Variants in CNTFR observed in about 807,000 individuals in gnomAD.
The protein encoded by CNTFR is ciliary neurotrophic factor receptor subunit alpha.
A neutral mutation model predicts 40.4 loss-of-function variants in CNTFR; 12 were observed. That is an observed-to-expected ratio of 0.30 (90% CI 0.19 to 0.48). The LOEUF is 0.48. CNTFR is among the 20% of genes least tolerant of loss of function. The pLI, the probability that CNTFR is intolerant of heterozygous loss-of-function variation, is 0.99. For missense variants in CNTFR, 414 were observed against 506.8 expected, an observed-to-expected ratio of 0.82 and a Z score of 1.76; for synonymous variants, 202 against 209.6, an observed-to-expected ratio of 0.96 and a Z score of 0.31.
rs1825697577 is a variant in CNTFR, at chr9:34,552,912, T to A, written c.769-58A>T. 3 of 1,556,462 alleles carry A rather than the reference T, an allele frequency of 1.9e-6. No homozygotes were observed. The South Asian group carries it at 3.4e-5, about 18-fold the overall frequency. On this transcript the variant is annotated intron_variant, in intron 7 of 9. Coordinates refer to ENST00000378980, the MANE Select transcript of CNTFR (RefSeq NM_147164.3). The surrounding 1 kb of genome is among the most constrained non-coding windows in gnomAD (Gnocchi z 5.1). Reference sequence around the variant, plus strand: ...ACACCTGGGGGCCAGGAGGGTGAGGTCCCTCCAGAGGAAGTGAGCATGCCT... The same window carrying A: ...ACACCTGGGGGCCAGGAGGGTGAGGACCCTCCAGAGGAAGTGAGCATGCCT...
At chr9:34,583,826 T>A (rs1380872593) in intron 1 of CNTFR, among the ~76,000 whole-genome samples, 1 of 151,938 alleles carries the variant, frequency 6.6e-6, no homozygotes, top group African/African-American at 2.4e-5. Flanking sequence ...CAGCCCCCCA[T>A]CCCGCAATTT....
chr9:34,589,322 CCCA>C lies in CNTFR; in HGVS notation c.-112+230_-112+232del, dbSNP rs956423482. Among the ~76,000 whole-genome samples the C allele has an allele frequency of 6.6e-6, 1 of 151,988 alleles. No homozygotes were observed. Among genetic ancestry groups the C allele is most frequent in the Non-Finnish European group, 1.5e-5 (1 of 67,954 alleles). On this transcript the variant is annotated intron_variant, in intron 1 of 9. Coordinates refer to ENST00000378980, the MANE Select transcript of CNTFR (RefSeq NM_147164.3). This position sits in a 1 kb window ranked among gnomAD's most constrained non-coding sequence, Gnocchi z 4.4. ...CACCTCCCTCTAGTCCACAGTCGGCCCCACCACCACCACCACGCCCAACCCCCG... is the reference window on the plus strand; with the variant it reads ...CACCTCCCTCTAGTCCACAGTCGGCCCCACCACCACCACGCCCAACCCCCG...
chr9:34,585,351 C>T (rs895596753), intron 1 of CNTFR, among the ~76,000 whole-genome samples: 4 of 152,168 alleles, frequency 2.6e-5, no homozygotes, highest in Non-Finnish European at 5.9e-5. Context: ...GAAACCTGTC[C>T]TCCTACAGGC....
At position 34,552,961 on chromosome 9, in the gene CNTFR, TCTGGGGGCA is replaced by T; in HGVS notation, c.769-116_769-108del. The T allele has an allele frequency of 9.2e-7, 1 of 1,082,458 alleles. No homozygotes were observed. The highest frequency in any genetic ancestry group is 2.3e-5 in the Admixed American group (1 of 42,906). 67.1% of individuals were successfully genotyped at this position (1,082,458 alleles called of 1,614,324 possible). ...CTCTGAGGAGAGGAGAGTAAAGGGC[TCTGGGGGCA>T]GTGAGGACTTCCCTGAGGAGAAGGA... On this transcript the variant is annotated intron_variant, in intron 7 of 9. Coordinates refer to ENST00000378980, the MANE Select transcript of CNTFR (RefSeq NM_147164.3). The surrounding 1 kb of genome is among the most constrained non-coding windows in gnomAD (Gnocchi z 5.1).
chr9:34,582,297 A>AAAAAAAAAAAAAAAAAC (rs56745437), intron 1 of CNTFR: 9 of 142,608 alleles, frequency 6.3e-5, no homozygotes, highest in South Asian at 2.3e-4. Context: ...AAAAAAAAAA[A>AAAAAAAAAAAAAAAAAC]CACAAGCTTT....
chr9:34,563,727 C>T (rs559354567), intron 4 of CNTFR, among the ~76,000 whole-genome samples: 199 of 152,280 alleles, frequency 1.3e-3, no homozygotes, highest in African/African-American at 4.4e-3. Context: ...CTCTCCTGTC[C>T]TTCCCACCTC....
chr9:34,564,038 C>T lies in CNTFR; in HGVS notation c.319+561G>A, dbSNP rs1035865491. On this transcript the variant is annotated intron_variant, in intron 4 of 9. Transcript: ENST00000378980. ...ATGCCCTCCCAGCCGCTGAGGCCTA[C>T]GGTCACACCCAGCTCTCTGCCAGAA... Among the ~76,000 whole-genome samples the T allele has an allele frequency of 1.1e-4, 16 of 152,194 alleles. No individual in the cohort carries two copies. In the East Asian group the frequency reaches 1.3e-3, roughly 13 times the overall value.
chr9:34,577,681 C>T (rs1174360453), intron 2 of CNTFR, among the ~76,000 whole-genome samples: 1 of 152,182 alleles, frequency 6.6e-6, no homozygotes, highest in Non-Finnish European at 1.5e-5. Context: ...TGGTCCCCTC[C>T]CCCAGGCCAA....
intron 2 of CNTFR, among the ~76,000 whole-genome samples, chr9:34,577,965 G>A (rs954449878): frequency 1.2e-4 from 18 of 151,238 alleles, no homozygotes; most frequent in African/African-American, 4.4e-4. Context: ...CGGGGCGGGG[G>A]CGTCGCGGCG....
intron 2 of CNTFR, among the ~76,000 whole-genome samples, chr9:34,577,354 C>T (rs1457491725): frequency 1.3e-5 from 2 of 152,156 alleles, no homozygotes; most frequent in Non-Finnish European, 2.9e-5. Flanking sequence ...AGGGGTAATG[C>T]CATAAAGCCA....
At position 34,557,775 on chromosome 9, in the gene CNTFR, C is replaced by G; in HGVS notation, c.438-83G>C. 1 of 1,582,140 alleles carries G rather than the reference C, an allele frequency of 6.3e-7. No homozygotes were observed. Among genetic ancestry groups the G allele is most frequent in the Non-Finnish European group, 8.7e-7 (1 of 1,154,986 alleles). ...GGTTGAGGAAAGGTCAAGCCCAAGG[C>G]AGGGCTGGGGTATGGACAGAGGGCA... On this transcript the variant is annotated intron_variant, in intron 5 of 9. Transcript: ENST00000378980. The surrounding 1 kb of genome is among the most constrained non-coding windows in gnomAD (Gnocchi z 4.2).
At position 34,564,629 on chromosome 9, in the gene CNTFR, G is replaced by A. The variant is rs776532201; in HGVS notation, c.289C>T (p.Leu97=). The change falls in exon 4 of 10, where the codon CTG becomes TTG. Residue 97 remains leucine, a synonymous_variant. Coordinates refer to ENST00000378980, the MANE Select transcript of CNTFR (RefSeq NM_147164.3). ...ACATGCAGCAGGACTTGGTGGCGCAGGTGCCAGGAGTCACGGTGGAAGCAG... is the reference window on the plus strand; with the variant it reads ...ACATGCAGCAGGACTTGGTGGCGCAAGTGCCAGGAGTCACGGTGGAAGCAG... ...YACFHRDSWH[L]RHQVLLHVGL... 1.1e-5 allele frequency: 17 copies of A among 1,612,522 alleles called. No homozygotes were observed. The highest frequency in any genetic ancestry group is 1.7e-4 in the Middle Eastern group (1 of 6,052).
At chr9:34,590,595 C>T (rs929210674), upstream of CNTFR, among the ~76,000 whole-genome samples, 10 of 152,232 alleles carry the variant, frequency 6.6e-5, no homozygotes, top group Admixed American at 6.5e-4. Context: ...CACCACTACT[C>T]GCATGTTCCT....
At chr9:34,564,463 A>T in intron 4 of CNTFR, 136 bp downstream of exon 4, 1 of 855,230 alleles carries the variant, frequency 1.2e-6, no homozygotes, top group Non-Finnish European at 1.9e-6. Context: ...GGGCCAGGAC[A>T]AAATCAGAGG....
chr9:34,577,140 C>A (rs961922601), intron 2 of CNTFR, among the ~76,000 whole-genome samples: 15 of 152,248 alleles, frequency 9.9e-5, no homozygotes, highest in Admixed American at 7.2e-4. Flanking sequence ...GCCCCCATCA[C>A]TGGAGGAGTA....
In CNTFR at chr9:34,556,385, C is replaced by T. The variant is rs781055922; in HGVS notation, c.638G>A (p.Arg213Gln). Reference protein sequence around the residue: ...KPDPPENVVARPVPSNPRRLE... With the variant: ...KPDPPENVVAQPVPSNPRRLE... Reference sequence around the variant, plus strand: ...CCGGCGAGGGTTGCTGGGCACTGGCCGGGCTACCACATTTTCTGGAGGATC... The same window carrying T: ...CCGGCGAGGGTTGCTGGGCACTGGCTGGGCTACCACATTTTCTGGAGGATC... The change falls in exon 7 of 10, where the codon CGG (arginine) becomes CAG (glutamine). Residue 213 changes from arginine (R) to glutamine (Q), a missense_variant. By Grantham distance (43) the Arg-to-Gln change is conservative. Around this residue, in one of 3 missense-constraint regions of CNTFR, gnomAD observed 83 missense variants for 145.0 expected, o/e 0.57. Coordinates refer to ENST00000378980, the MANE Select transcript of CNTFR (RefSeq NM_147164.3). 1.4e-5 allele frequency: 23 copies of T among 1,612,734 alleles called. No individual in the cohort carries two copies. The highest frequency in any genetic ancestry group is 5.3e-5 in the African/African-American group (4 of 74,882).
At chr9:34,559,744 G>A (rs1729620050) in intron 4 of CNTFR, among the ~76,000 whole-genome samples, 1 of 151,988 alleles carries the variant, frequency 6.6e-6, no homozygotes, top group South Asian at 2.1e-4. Flanking sequence ...TCCACTCCCC[G>A]CTCCTGCCAC....
intron 4 of CNTFR, among the ~76,000 whole-genome samples, chr9:34,558,819 A>G (rs545153072): frequency 4.1e-4 from 62 of 152,248 alleles, no homozygotes; most frequent in African/African-American, 1.4e-3. Flanking sequence ...AGGGATAAGG[A>G]CCTCTCAAGG....
intron 3 of CNTFR, 23 bp from the exon 4 acceptor site, chr9:34,564,855 G>T: frequency 6.2e-7 from 1 of 1,605,410 alleles, no homozygotes. Flanking sequence ...GGGGCACAGG[G>T]CAAAAGTCAC....
Sources: gnomAD v4.1 joint callset for allele counts (sites outside exome capture counted in the v4.1 genomes callset) on GRCh38, gnomAD v4.1.1 for gene constraint, gnomAD v4.1.1 regional missense constraint, Gnocchi (gnomAD v3.1) non-coding constraint, MANE v1.5 for transcripts, NCBI Gene and HGNC (gene_info 2026-07-23, HGNC 2026-07-21) for gene names.